The following RFX4 variants were observed in gnomAD, a reference collection of about 807,000 sequenced individuals.
RFX4 encodes regulatory factor X4.
Under a neutral mutation model 95.0 loss-of-function variants are expected in RFX4, and 10 were observed. That is an observed-to-expected ratio of 0.11 (90% CI 0.06 to 0.18). The LOEUF is 0.18. Ranked by LOEUF, RFX4 falls within the 10% of genes least tolerant of loss-of-function variation. The probability of loss-of-function intolerance (pLI) is 1.00; values close to 1 mark genes in which losing one functional copy is unlikely to be tolerated. For synonymous variants in RFX4, 321 were observed against 340.7 expected, an observed-to-expected ratio of 0.94 and a Z score of 0.64; for missense variants, 640 against 922.0, an observed-to-expected ratio of 0.69 and a Z score of 3.96.
At chr12:106,667,018 T>C (rs2041190198) in intron 4 of RFX4, among the ~76,000 whole-genome samples, 1 of 152,170 alleles carries the variant, frequency 6.6e-6, no homozygotes, top group Admixed American at 6.5e-5. Flanking sequence ...CCTTTAGTCA[T>C]ATGGTGGTAA....
intron 2 of RFX4, among the ~76,000 whole-genome samples, chr12:106,636,830 T>A (rs2040524254): frequency 6.6e-6 from 1 of 152,198 alleles, no homozygotes; most frequent in Non-Finnish European, 1.5e-5. Flanking sequence ...AGGCACCACA[T>A]GTGACAATCA....
At position 106,761,339 on chromosome 12, in the gene RFX4, C is replaced by T. The variant is rs74504747; in HGVS notation, c.2078C>T (p.Ala693Val). 0.01 allele frequency: 16,877 copies of T among 1,614,052 alleles called. 119 individuals carry two copies. The highest frequency in any genetic ancestry group is 0.012 in the Non-Finnish European group (14,697 of 1,180,014). ...TCYTSPSVHS[A>V]RYGNSSDMYT... ...TACACAAGCCCGTCTGTGCATTCTG[C>T]GAGGTACGGAAACTCTAGTGACATG... Residue 693 changes from alanine (A) to valine (V), a missense_variant, in exon 18 of 18, where the codon GCG becomes GTG. Coordinates refer to ENST00000392842, the MANE Select transcript of RFX4 (RefSeq NM_213594.3).
At chr12:106,608,662 T>A (rs531303283) in intron 1 of RFX4, 135 bp from the exon 2 acceptor site, 7 of 824,904 alleles carry the variant, frequency 8.5e-6, no homozygotes, top group East Asian at 8.1e-5. Flanking sequence ...TCTGGGCAGA[T>A]GCCACATGAA....
At chr12:106,729,879 C>A (rs2042577662) in intron 13 of RFX4, among the ~76,000 whole-genome samples, 2 of 152,228 alleles carry the variant, frequency 1.3e-5, no homozygotes, top group African/African-American at 2.4e-5. Flanking sequence ...CTCAGTGGTT[C>A]ACAGGATCCC....
chr12:106,650,252 A>C (rs2040833161), intron 3 of RFX4, among the ~76,000 whole-genome samples: 1 of 152,054 alleles, frequency 6.6e-6, no homozygotes, highest in Admixed American at 6.5e-5. Context: ...ATTTTTTTTT[A>C]GCCAAAATAA....
At position 106,715,499 on chromosome 12, in the gene RFX4, A is replaced by G. The variant is rs777711888; in HGVS notation, c.1093A>G (p.Thr365Ala). Residue 365 changes from threonine (T) to alanine (A), a missense_variant, in exon 11 of 18, where the codon ACC becomes GCC. Transcript: ENST00000392842. The stretch of plus-strand genomic sequence containing the variant: ...CAGCATCACCAAGCAAACCCTTTAC[A>G]CCATGGAAGACTCTCGCGATGAGCA... Reference protein sequence around the residue: ...LNSITKQTLYTMEDSRDEHRK... With the variant: ...LNSITKQTLYAMEDSRDEHRK... 5.7e-5 allele frequency: 92 copies of G among 1,614,044 alleles called. No individual in the cohort carries two copies. Among genetic ancestry groups the G allele is most frequent in the Non-Finnish European group, 7.5e-5 (89 of 1,180,034 alleles).
At chr12:106,657,091 C>T (rs944439628) in intron 4 of RFX4, among the ~76,000 whole-genome samples, 23 of 152,194 alleles carry the variant, frequency 1.5e-4, no homozygotes, top group African/African-American at 5.5e-4. Context: ...AAATCCCAGA[C>T]ACATTTGCCT....
intron 1 of RFX4, among the ~76,000 whole-genome samples, chr12:106,606,598 A>T (rs1222806152): frequency 6.6e-6 from 1 of 152,138 alleles, no homozygotes; most frequent in Admixed American, 6.5e-5. Context: ...CTGTCTCCAC[A>T]TTGTGCATTC....
chr12:106,686,309 G>A (rs945391105), intron 5 of RFX4, among the ~76,000 whole-genome samples: 5 of 151,946 alleles, frequency 3.3e-5, no homozygotes, highest in African/African-American at 1.2e-4. Context: ...TACTTAGGAG[G>A]CTGAGGCAGG....
At chr12:106,756,964 T>C (rs900390736) in intron 17 of RFX4, among the ~76,000 whole-genome samples, 2 of 152,198 alleles carry the variant, frequency 1.3e-5, no homozygotes, top group African/African-American at 4.8e-5. Flanking sequence ...CAGTAAATAC[T>C]TGTCAATGAA....
chr12:106,622,687 C>G (rs767362013), intron 2 of RFX4, among the ~76,000 whole-genome samples: 55 of 147,654 alleles, frequency 3.7e-4, no homozygotes, highest in Admixed American at 2.6e-3. Context: ...GTGCAGTGAT[C>G]TCAGCTCACT....
At chr12:106,620,709 A>G (rs1370435820) in intron 2 of RFX4, among the ~76,000 whole-genome samples, 1 of 152,022 alleles carries the variant, frequency 6.6e-6, no homozygotes, top group Non-Finnish European at 1.5e-5. Flanking sequence ...TCTGACCACA[A>G]ATTTACCAGG....
chr12:106,603,372 C>T (rs539678771), intron 1 of RFX4, among the ~76,000 whole-genome samples: 11 of 152,278 alleles, frequency 7.2e-5, no homozygotes, highest in East Asian at 3.9e-4. Context: ...TATATGTACC[C>T]GAGAAAATAA....
chr12:106,722,067 T>C (rs1253250592), intron 13 of RFX4, among the ~76,000 whole-genome samples: 2 of 152,244 alleles, frequency 1.3e-5, no homozygotes, highest in African/African-American at 4.8e-5. Context: ...TTGAGCTGTA[T>C]ATGGAAATGC....
intron 3 of RFX4, among the ~76,000 whole-genome samples, chr12:106,643,018 A>G (rs149117367): frequency 1.4e-4 from 21 of 152,330 alleles, no homozygotes; most frequent in African/African-American, 3.8e-4. Context: ...GCTTCAGCCA[A>G]TCCTACAGGG....
chr12:106,696,260 C>T, intron 7 of RFX4, 23 bp from the exon 8 acceptor site: 1 of 1,613,498 alleles, frequency 6.2e-7, no homozygotes. Flanking sequence ...CCTCATGATT[C>T]TTCTCTCTGT....
chr12:106,697,789 T>C (rs1175783247), intron 8 of RFX4, among the ~76,000 whole-genome samples: 2 of 152,106 alleles, frequency 1.3e-5, no homozygotes, highest in Non-Finnish European at 2.9e-5. Flanking sequence ...CCCTGTCTTA[T>C]TGCACTGGCT....
chr12:106,751,887 T>C (rs1248082359), intron 17 of RFX4, among the ~76,000 whole-genome samples: 1 of 149,892 alleles, frequency 6.7e-6, no homozygotes, highest in Non-Finnish European at 1.5e-5. Context: ...TTTTGTAGGT[T>C]GCCTGTTCAC....
At chr12:106,658,005 T>TA (rs1181913748) in intron 4 of RFX4, among the ~76,000 whole-genome samples, 3 of 152,176 alleles carry the variant, frequency 2.0e-5, no homozygotes, top group African/African-American at 7.2e-5. Flanking sequence ...GCATTATATA[T>TA]ACGTAATGAT....
Sources: allele counts gnomAD v4.1 joint callset (sites outside exome capture counted in the v4.1 genomes callset), GRCh38; gene constraint gnomAD v4.1.1; transcripts MANE v1.5; gene names NCBI Gene and HGNC (gene_info 2026-07-23, HGNC 2026-07-21).